Variants in RBFOX1 observed in about 807,000 individuals in gnomAD.
RBFOX1 encodes RNA binding protein fox-1 homolog 1.
Under a neutral mutation model 57.7 loss-of-function variants are expected in RBFOX1, and 8 were observed. That is an observed-to-expected ratio of 0.14 (90% CI 0.08 to 0.25). RBFOX1 has a LOEUF of 0.25. Ranked by LOEUF, RBFOX1 falls within the 10% of genes least tolerant of loss-of-function variation. The pLI is 1.00. For synonymous variants in RBFOX1, 326 were observed against 222.4 expected (o/e 1.47, Z -4.15); for missense variants, 611 against 548.5 (o/e 1.11, Z -1.14).
intron 1 of RBFOX1, among the ~76,000 whole-genome samples, chr16:5,300,912 C>T (rs1192101055): frequency 2.6e-5 from 4 of 152,126 alleles, no homozygotes; most frequent in Non-Finnish European, 1.5e-5. Context: ...TTGTGTGTTT[C>T]TTTCTGTCTG....
intron 5 of RBFOX1, among the ~76,000 whole-genome samples, chr16:7,519,152 A>G (rs1276617075): frequency 1.3e-5 from 2 of 152,182 alleles, no homozygotes; most frequent in Admixed American, 6.5e-5. Context: ...GGATGCATCT[A>G]ATTTCGGAAC....
At chr16:6,098,724 C>T (rs1038687013) in intron 1 of RBFOX1, among the ~76,000 whole-genome samples, 4 of 152,206 alleles carry the variant, frequency 2.6e-5, no homozygotes, top group African/African-American at 9.7e-5. Flanking sequence ...GATGTCCAGA[C>T]ACCACATCCA....
chr16:6,142,048 G>A (rs1200404813), intron 1 of RBFOX1, among the ~76,000 whole-genome samples: 239 of 148,054 alleles, frequency 1.6e-3, no homozygotes, highest in African/African-American at 5.5e-3. Flanking sequence ...GAGCTCAAAA[G>A]AAAAAAAAAA....
intron 5 of RBFOX1, among the ~76,000 whole-genome samples, chr16:7,539,265 G>A (rs1236095740): frequency 6.6e-6 from 1 of 152,144 alleles, no homozygotes; most frequent in Non-Finnish European, 1.5e-5. Context: ...AGCCTTCTCT[G>A]AGGAAGGGTC....
In RBFOX1 at chr16:7,462,181, C is replaced by G. The variant is rs188764061; in HGVS notation, c.28-55966C>G. On this transcript the variant is annotated intron_variant, in intron 4 of 15. Transcript: ENST00000550418. ...GCCTTCGGAGGGAAACAGCGGGTCACAAAGAGAGTTTTCCATATTTACATG... is the reference window on the plus strand; with the variant it reads ...GCCTTCGGAGGGAAACAGCGGGTCAGAAAGAGAGTTTTCCATATTTACATG... Among the ~76,000 whole-genome samples the G allele has an allele frequency of 3.9e-4, 60 of 152,318 alleles. 1 individual carries two copies. Among genetic ancestry groups the G allele is most frequent in the Middle Eastern group, 6.8e-3 (2 of 294 alleles).
chr16:7,115,275 G>A (rs2065640618), intron 4 of RBFOX1, among the ~76,000 whole-genome samples: 1 of 152,108 alleles, frequency 6.6e-6, no homozygotes, highest in South Asian at 2.1e-4. Context: ...GTCACTCATG[G>A]AAAAATGTAT....
chr16:7,167,582 C>T (rs1395659187), intron 4 of RBFOX1, among the ~76,000 whole-genome samples: 1 of 152,258 alleles, frequency 6.6e-6, no homozygotes, highest in African/African-American at 2.4e-5. Context: ...GGATTTCTGG[C>T]CTCCAGAACT....
chr16:7,014,195 A>T (rs1431118723), intron 3 of RBFOX1, among the ~76,000 whole-genome samples: 5 of 151,712 alleles, frequency 3.3e-5, no homozygotes, highest in African/African-American at 1.2e-4. Context: ...ACCTGTTCAA[A>T]ATGATGTGTA....
intron 3 of RBFOX1, among the ~76,000 whole-genome samples, chr16:6,980,565 C>T (rs979020842): frequency 6.6e-6 from 1 of 152,080 alleles, no homozygotes; most frequent in African/African-American, 2.4e-5. Flanking sequence ...GAATCAAAAG[C>T]GAGTATTGAA....
intron 1 of RBFOX1, among the ~76,000 whole-genome samples, chr16:6,154,425 A>G (rs2096824476): frequency 6.6e-6 from 1 of 152,232 alleles, no homozygotes; most frequent in Non-Finnish European, 1.5e-5. Context: ...TAAAATAACT[A>G]TGACGTAGGC....
intron 3 of RBFOX1, among the ~76,000 whole-genome samples, chr16:6,994,966 TGTG>T: frequency 6.6e-6 from 1 of 151,876 alleles, no homozygotes; most frequent in African/African-American, 2.4e-5. Flanking sequence ...TGTGTGTGTG[TGTG>T]TGTGTTGGTC....
chr16:6,828,682 T>G (rs1281544281), intron 3 of RBFOX1, among the ~76,000 whole-genome samples: 1 of 152,046 alleles, frequency 6.6e-6, no homozygotes, highest in Non-Finnish European at 1.5e-5. Flanking sequence ...GATGTGTTTG[T>G]TAACATCCTA....
At chr16:6,637,868 T>C in intron 2 of RBFOX1, among the ~76,000 whole-genome samples, 1 of 152,116 alleles carries the variant, frequency 6.6e-6, no homozygotes, top group South Asian at 2.1e-4. Context: ...ATCATCCATA[T>C]TTAGAAAAGT....
chr16:5,761,075 T>C (rs140924962), intron 3 of RBFOX1, among the ~76,000 whole-genome samples: 1 of 152,308 alleles, frequency 6.6e-6, no homozygotes, highest in African/African-American at 2.4e-5. Flanking sequence ...AGGATCCAGT[T>C]GGTAAACAGT....
intron 4 of RBFOX1, among the ~76,000 whole-genome samples, chr16:7,321,861 GT>G (rs768404337): frequency 2.6e-5 from 4 of 152,180 alleles, no homozygotes; most frequent in Non-Finnish European, 5.9e-5. Flanking sequence ...GAGGCTCTCT[GT>G]TGCCACCAGC....
At chr16:7,702,978 C>A (rs750727601) in intron 14 of RBFOX1, among the ~76,000 whole-genome samples, 1 of 152,142 alleles carries the variant, frequency 6.6e-6, no homozygotes. Context: ...TACCTGGTGC[C>A]CCAGAGCACC....
chr16:6,745,522 C>A lies in RBFOX1; in HGVS notation c.-16+90872C>A, dbSNP rs868764521. Among the ~76,000 whole-genome samples the A allele has an allele frequency of 3.1e-4, 47 of 152,216 alleles. 1 individual carries two copies. The highest frequency in any genetic ancestry group is 1.2e-3 in the Admixed American group (18 of 15,284). On this transcript the variant is annotated intron_variant, in intron 3 of 15. Coordinates refer to ENST00000550418, the MANE Select transcript of RBFOX1 (RefSeq NM_018723.4). ...TTTGAAAATCAATTTATGAAATACA[C>A]CATATTAACAACAAAATGTGAACTA...
intron 2 of RBFOX1, among the ~76,000 whole-genome samples, chr16:6,639,546 C>A (rs1484292634): frequency 1.3e-5 from 2 of 152,100 alleles, no homozygotes; most frequent in Non-Finnish European, 2.9e-5. Flanking sequence ...TAAAATTATA[C>A]AAATACACAA....
At chr16:6,264,750 T>C (rs1242192878) in intron 1 of RBFOX1, among the ~76,000 whole-genome samples, 1 of 152,228 alleles carries the variant, frequency 6.6e-6, no homozygotes, top group Non-Finnish European at 1.5e-5. Context: ...CAGCTCTTTT[T>C]TGCAGCCTAT....
Sources: allele counts gnomAD v4.1 joint callset (sites outside exome capture counted in the v4.1 genomes callset), GRCh38; gene constraint gnomAD v4.1.1; transcripts MANE v1.5; gene names NCBI Gene and HGNC (gene_info 2026-07-23, HGNC 2026-07-21).